SMAD1: variants seen among roughly 807,000 people sequenced by gnomAD.
SMAD1 encodes SMAD family member 1, also known as MAD, mothers against decapentaplegic homolog 1.
SMAD1 carries 6 observed loss-of-function variants against 41.6 expected under a neutral mutation model. The ratio of observed to expected loss-of-function variants is 0.14; its 90% CI spans 0.08 to 0.28. SMAD1 has a LOEUF of 0.28. Among genes scored for constraint, SMAD1 ranks in the 10% least tolerant of loss-of-function variants. SMAD1 has a pLI of 1.00. For missense variants in SMAD1, 379 were observed against 582.6 expected, an observed-to-expected ratio of 0.65 and a Z score of 3.60; for synonymous variants, 206 against 203.2, an observed-to-expected ratio of 1.01 and a Z score of -0.12.
At chr4:145,497,145 A>G (rs1413024872) in intron 1 of SMAD1, 1 of 152,214 alleles carries the variant, frequency 6.6e-6, no homozygotes, top group Admixed American at 6.5e-5. Context: ...AAAAGCTTTG[A>G]TGAATCATAA....
chr4:145,557,036 A>G (rs1732878557), intron 6 of SMAD1, among the ~76,000 whole-genome samples: 1 of 143,098 alleles, frequency 7.0e-6, no homozygotes, highest in Non-Finnish European at 1.5e-5. Flanking sequence ...ATAGAACCCA[A>G]CCTTCTCTGA....
At chr4:145,540,122 C>A in intron 3 of SMAD1, 61 bp downstream of exon 3, 7 of 1,588,384 alleles carry the variant, frequency 4.4e-6, no homozygotes, top group Admixed American at 3.4e-5. Flanking sequence ...CACAGTGTCA[C>A]GGAAAAGCTG....
At chr4:145,530,573 G>C (rs761240517) in intron 2 of SMAD1, among the ~76,000 whole-genome samples, 8 of 152,082 alleles carry the variant, frequency 5.3e-5, no homozygotes, top group Non-Finnish European at 7.4e-5. Flanking sequence ...TTTGTTTAAT[G>C]CTTTATGATA....
At chr4:145,524,790 G>A (rs1730938917) in intron 2 of SMAD1, among the ~76,000 whole-genome samples, 12 of 145,472 alleles carry the variant, frequency 8.2e-5, no homozygotes, top group South Asian at 2.2e-4. Context: ...AAAAGAAAAC[G>A]AAAAAAAAAA....
At position 145,521,411 on chromosome 4, in the gene SMAD1, C is replaced by T. The variant is rs1730735029; in HGVS notation, c.400+6398C>T. On this transcript the variant is annotated intron_variant, in intron 2 of 6. Transcript: ENST00000302085. Reference sequence around the variant, plus strand: ...ATCAGCTTGAAAGGGCATATTAAATCTGAGCTTGAAATTCTGAGATTTCAG... The same window carrying T: ...ATCAGCTTGAAAGGGCATATTAAATTTGAGCTTGAAATTCTGAGATTTCAG... 2.6e-5 allele frequency among the ~76,000 whole-genome samples: 4 copies of T among 152,064 alleles called. 1 individual carries two copies. In the South Asian group the frequency reaches 6.2e-4, roughly 24 times the overall value.
At position 145,520,798 on chromosome 4, in the gene SMAD1, C is replaced by T. The variant is rs115536483; in HGVS notation, c.400+5785C>T. On this transcript the variant is annotated intron_variant, in intron 2 of 6. Coordinates refer to ENST00000302085, the MANE Select transcript of SMAD1 (RefSeq NM_005900.3). ...TCTTTGACAAAAGTAATATTACGGA[C>T]GGGAATAATTGTTGCTTTTCCTTAA... Among the ~76,000 whole-genome samples the T allele has an allele frequency of 6.7e-3, 1,025 of 152,026 alleles. 10 individuals carry two copies. The highest frequency in any genetic ancestry group is 0.023 in the African/African-American group (947 of 41,450).
In SMAD1 at chr4:145,542,814, T is replaced by C. The variant is rs1497126; in HGVS notation, c.775+116T>C. The stretch of plus-strand genomic sequence containing the variant: ...AGAGAGCTACTTGAGAAAAATAGAG[T>C]CCAATGTTAAGAGAAGCTCACTACA... On this transcript the variant is annotated intron_variant, in intron 4 of 6. Coordinates refer to ENST00000302085, the MANE Select transcript of SMAD1 (RefSeq NM_005900.3). 350,118 of 645,584 alleles carry C rather than the reference T, an allele frequency of 0.54. 98,794 individuals carry two copies. The highest frequency in any genetic ancestry group is 0.7 in the African/African-American group (37,827 of 54,164). The allele number at this position is 645,584 out of a possible 1,614,324, so 40.0% of individuals were successfully genotyped here. A position where few individuals can be genotyped will look rare whatever the true frequency, so the allele number is the denominator to read the frequency against.
intron 5 of SMAD1, among the ~76,000 whole-genome samples, chr4:145,552,729 T>G (rs1315507132): frequency 6.6e-6 from 1 of 152,182 alleles, no homozygotes; most frequent in African/African-American, 2.4e-5. Flanking sequence ...TTTCTTCCCT[T>G]TCTAAAATTT....
rs1732989700 is a variant in SMAD1, at chr4:145,558,922, T to C, written c.*988T>C. ...GGAGTTTACAGTACAGAAATAGGCT[T>C]TAATTTTCAAGTGAATTTTTTGCCA... On this transcript the variant is annotated 3_prime_UTR_variant, in exon 7 of 7. Transcript: ENST00000302085. Among the ~76,000 whole-genome samples the C allele has an allele frequency of 6.6e-6, 1 of 152,214 alleles. No individual in the cohort carries two copies. The highest frequency in any genetic ancestry group is 2.4e-5 in the African/African-American group (1 of 41,462).
At chr4:145,507,566 C>A (rs1729859578) in intron 1 of SMAD1, among the ~76,000 whole-genome samples, 3 of 151,252 alleles carry the variant, frequency 2.0e-5, no homozygotes, top group South Asian at 4.2e-4. Flanking sequence ...ACAATTTTCC[C>A]TTTCTGGTTC....
At chr4:145,506,200 G>A (rs1435211113) in intron 1 of SMAD1, among the ~76,000 whole-genome samples, 1 of 152,070 alleles carries the variant, frequency 6.6e-6, no homozygotes, top group African/African-American at 2.4e-5. Context: ...GTATCCAGCT[G>A]TTAAACATTT....
intron 5 of SMAD1, among the ~76,000 whole-genome samples, chr4:145,550,883 A>G (rs1387577261): frequency 6.6e-6 from 1 of 152,202 alleles, no homozygotes; most frequent in Non-Finnish European, 1.5e-5. Context: ...AGAAAATTTG[A>G]ATAAATAGGC....
At chr4:145,486,104 G>C (rs777398968) in intron 1 of SMAD1, among the ~76,000 whole-genome samples, 4 of 152,072 alleles carry the variant, frequency 2.6e-5, no homozygotes, top group Non-Finnish European at 5.9e-5. Context: ...GACATGACTT[G>C]GCTTGTGTAT....
chr4:145,486,101 C>T (rs146918283), intron 1 of SMAD1, among the ~76,000 whole-genome samples: 6 of 152,154 alleles, frequency 3.9e-5, no homozygotes, highest in Non-Finnish European at 8.8e-5. Flanking sequence ...ATAGACATGA[C>T]TTGGCTTGTG....
chr4:145,542,555 G>T, intron 3 of SMAD1, 27 bp from the exon 4 acceptor site: 1 of 1,417,756 alleles, frequency 7.1e-7, no homozygotes, highest in South Asian at 1.2e-5. Context: ...TAAGGGTTAA[G>T]AAATAACTTC....
chr4:145,545,302 C>T (rs1233041376), intron 4 of SMAD1: 1 of 152,162 alleles, frequency 6.6e-6, no homozygotes, highest in Non-Finnish European at 1.5e-5. Flanking sequence ...AATTCATCAA[C>T]CTCTGACCTA....
intron 4 of SMAD1, chr4:145,545,441 T>G (rs1362573977): frequency 1.3e-5 from 2 of 152,244 alleles, no homozygotes; most frequent in African/African-American, 4.8e-5. Context: ...CAAATTGATG[T>G]GGTAGAGTTG....
chr4:145,543,052 C>T (rs1285495232), intron 4 of SMAD1, among the ~76,000 whole-genome samples: 2 of 151,994 alleles, frequency 1.3e-5, no homozygotes, highest in East Asian at 1.9e-4. Context: ...CTGCAACCTC[C>T]ACCTCCCAGG....
At position 145,551,330 on chromosome 4, in the gene SMAD1, A is replaced by G. The variant is rs138590850; in HGVS notation, c.998-2454A>G. The stretch of plus-strand genomic sequence containing the variant: ...ACCCTGACCTCATACCATATATGCA[A>G]ACAGATTAATGAGTTGAATGTTTTT... On this transcript the variant is annotated intron_variant, in intron 5 of 6. Coordinates refer to ENST00000302085, the MANE Select transcript of SMAD1 (RefSeq NM_005900.3). 2.8e-3 allele frequency among the ~76,000 whole-genome samples: 424 copies of G among 152,308 alleles called. 2 individuals carry two copies. The highest frequency in any genetic ancestry group is 4.8e-3 in the South Asian group (23 of 4,830).
Sources: gnomAD v4.1 joint callset for allele counts (sites outside exome capture counted in the v4.1 genomes callset) on GRCh38, gnomAD v4.1.1 for gene constraint, MANE v1.5 for transcripts, NCBI Gene and HGNC (gene_info 2026-07-23, HGNC 2026-07-21) for gene names.